Variants in USP37 observed in about 807,000 individuals in gnomAD.
The protein encoded by USP37 is ubiquitin specific peptidase 37, also known as ubiquitin carboxyl-terminal hydrolase 37.
USP37 carries 27 observed loss-of-function variants against 124.0 expected under a neutral mutation model. The observed-to-expected ratio is 0.22, with a 90% CI of 0.16 to 0.30. The LOEUF (loss-of-function observed/expected upper bound fraction) is 0.30. Among genes scored for constraint, USP37 ranks in the 10% least tolerant of loss-of-function variants. The pLI, the probability that USP37 is intolerant of heterozygous loss-of-function variation, is 1.00. For synonymous variants in USP37, 365 were observed against 388.0 expected, an observed-to-expected ratio of 0.94 and a Z score of 0.70; for missense variants, 889 against 1,140.4, an observed-to-expected ratio of 0.78 and a Z score of 3.17.
chr2:218,455,001 GCTC>G lies in USP37; in HGVS notation c.2866_2868del (p.Glu956del). 1 of 1,613,928 alleles carries G rather than the reference GCTC, an allele frequency of 6.2e-7. No individual in the cohort carries two copies. The highest frequency in any genetic ancestry group is 8.5e-7 in the Non-Finnish European group (1 of 1,180,022). On this transcript the variant is annotated inframe_deletion, in exon 26 of 26. Coordinates refer to ENST00000258399, the MANE Select transcript of USP37 (RefSeq NM_020935.3). ...TGAGAGTTCTTTTCTGTTTCCAGCA[GCTC>G]ATCAAAGATCTCCCTTAAGATAAAA...
intron 20 of USP37, among the ~76,000 whole-genome samples, chr2:218,473,957 T>C (rs1690828622): frequency 6.6e-6 from 1 of 152,202 alleles, no homozygotes; most frequent in Non-Finnish European, 1.5e-5. Flanking sequence ...CTGTAAAGCA[T>C]GTTACTGTAC....
At chr2:218,529,118 C>T (rs1691153172) in intron 10 of USP37, among the ~76,000 whole-genome samples, 1 of 152,064 alleles carries the variant, frequency 6.6e-6, no homozygotes, top group African/African-American at 2.4e-5. Flanking sequence ...ACAAAACTTC[C>T]CAGAGCCAGG....
intron 10 of USP37, among the ~76,000 whole-genome samples, chr2:218,526,784 G>GTTT (rs1491291222): frequency 1.8e-5 from 1 of 54,184 alleles, no homozygotes; most frequent in African/African-American, 8.2e-5. Context: ...CATTTCATTT[G>GTTT]CTTTTTTTTT....
At chr2:218,515,726 A>G (rs902792103) in intron 10 of USP37, among the ~76,000 whole-genome samples, 2 of 152,346 alleles carry the variant, frequency 1.3e-5, no homozygotes, top group South Asian at 4.1e-4. Flanking sequence ...GAGTTTCTGC[A>G]CAGCAAAAGA....
chr2:218,496,642 T>TTTTC (rs970475058), intron 13 of USP37, among the ~76,000 whole-genome samples: 9 of 151,970 alleles, frequency 5.9e-5, no homozygotes, highest in East Asian at 3.9e-4. Context: ...CTCCTTAGGT[T>TTTTC]TTTCTTTCTT....
intron 4 of USP37, among the ~76,000 whole-genome samples, chr2:218,557,708 C>A (rs1280753103): frequency 6.9e-6 from 1 of 144,528 alleles, no homozygotes; most frequent in Non-Finnish European, 1.5e-5. Context: ...GCGAGCAGAT[C>A]ACGAGGTCAG....
chr2:218,464,685 G>A (rs1041581283), intron 21 of USP37, among the ~76,000 whole-genome samples: 2 of 152,212 alleles, frequency 1.3e-5, no homozygotes, highest in Non-Finnish European at 2.9e-5. Flanking sequence ...AATCAGACCT[G>A]TAAGTCAGAT....
intron 6 of USP37, among the ~76,000 whole-genome samples, chr2:218,548,395 C>T (rs1256132352): frequency 6.6e-6 from 1 of 152,110 alleles, no homozygotes; most frequent in Non-Finnish European, 1.5e-5. Context: ...GGCTGGAGTG[C>T]AGTGGCACAA....
Position 218,454,955 on chromosome 2 carries a change from C to T in USP37, c.2915G>A (p.Gly972Glu), listed in dbSNP as rs747919409. Residue 972 changes from glycine to glutamate, a missense_variant, in exon 26 of 26, where the codon GGG becomes GAG. Gly to Glu is a moderately conservative substitution (Grantham distance 98, BLOSUM62 -2). Around this residue, in one of 3 missense-constraint regions of USP37, gnomAD observed 504 missense variants for 714.3 expected, o/e 0.71. Transcript: ENST00000258399. ...KNSQSLSTEV[G>E]KTTRQAL Reference sequence around the variant, plus strand: ...TCACAAGGCCTGACGGGTAGTCTTCCCCACTTCCGTGCTAAGTGACTGAGA... The same window carrying T: ...TCACAAGGCCTGACGGGTAGTCTTCTCCACTTCCGTGCTAAGTGACTGAGA... The T allele has an allele frequency of 2.5e-6, 4 of 1,614,086 alleles. No individual in the cohort carries two copies. In the East Asian group the frequency reaches 8.9e-5, roughly 36 times the overall value.
In USP37 at chr2:218,495,824, C is replaced by A; in HGVS notation, c.1408G>T (p.Ala470Ser). 1 of 1,613,950 alleles carries A rather than the reference C, an allele frequency of 6.2e-7. No individual in the cohort carries two copies. The highest frequency in any genetic ancestry group is 1.7e-5 in the Admixed American group (1 of 60,022). The stretch of plus-strand genomic sequence containing the variant: ...TTAGTAATAACAGGGCAAGTGTATG[C>A]TCTGGTAGCTGAAATATCTGGTGAA... ...ENSPDISATR[A>S]YTCPVITNLE... The change falls in exon 14 of 26, where the codon GCA (alanine) becomes TCA (serine). Residue 470 changes from alanine to serine, a missense_variant. By Grantham distance (99) the Ala-to-Ser change is moderately conservative. Transcript: ENST00000258399.
intron 14 of USP37, among the ~76,000 whole-genome samples, chr2:218,490,104 C>T (rs1415163941): frequency 6.6e-6 from 1 of 152,194 alleles, no homozygotes; most frequent in Non-Finnish European, 1.5e-5. Context: ...GTAATCCCAG[C>T]ACTTTGGGAG....
intron 18 of USP37, 29 bp downstream of exon 18, chr2:218,479,621 A>AT (rs778513163): frequency 6.3e-7 from 1 of 1,597,024 alleles, no homozygotes; most frequent in Non-Finnish European, 8.6e-7. Context: ...TTAAACACAG[A>AT]TTTTGGGTAC....
In USP37 at chr2:218,454,869, A is replaced by G; in HGVS notation, c.*61T>C. 6.3e-7 allele frequency: 1 copy of G among 1,587,172 alleles called. No individual in the cohort carries two copies. The highest frequency in any genetic ancestry group is 1.4e-5 in the African/African-American group (1 of 73,624). On this transcript the variant is annotated 3_prime_UTR_variant, in exon 26 of 26. Transcript: ENST00000258399. ...TCCAAATTCTCCTTCAGCAGAGGAA[A>G]GGTGAGGTGGGCAGCAGTAACAAAT...
intron 14 of USP37, among the ~76,000 whole-genome samples, chr2:218,491,439 C>T (rs1691941202): frequency 6.6e-6 from 1 of 152,144 alleles, no homozygotes; most frequent in Non-Finnish European, 1.5e-5. Flanking sequence ...GGAACCTGGG[C>T]TCCAGATGAG....
rs2106401087 is a variant in USP37, at chr2:218,453,494, TATA to T, written c.*1433_*1435del. ...TAATAAAAGAAAAAACACGAAAGAATATAATGATGGTTTCATTTTTCTATATTT... is the reference window on the plus strand; with the variant it reads ...TAATAAAAGAAAAAACACGAAAGAATATGATGGTTTCATTTTTCTATATTT... On this transcript the variant is annotated 3_prime_UTR_variant, in exon 26 of 26. Transcript: ENST00000258399. 6.6e-6 allele frequency: 1 copy of T among 152,282 alleles called. No individual in the cohort carries two copies. The highest frequency in any genetic ancestry group is 1.9e-4 in the East Asian group (1 of 5,184). The allele number at this position is 152,282 out of a possible 1,614,324, so 9.4% of individuals were successfully genotyped here. A position where few individuals can be genotyped will look rare whatever the true frequency, so the allele number is the denominator to read the frequency against.
intron 3 of USP37, among the ~76,000 whole-genome samples, chr2:218,560,450 T>C (rs1298288518): frequency 1.3e-5 from 2 of 152,202 alleles, no homozygotes; most frequent in Non-Finnish European, 2.9e-5. Flanking sequence ...AAATAATACA[T>C]ACTAGGCACT....
intron 11 of USP37, among the ~76,000 whole-genome samples, chr2:218,503,326 C>A (rs1250101561): frequency 6.6e-6 from 1 of 152,204 alleles, no homozygotes; most frequent in Non-Finnish European, 1.5e-5. Context: ...AACAATAACA[C>A]CAAATAATAC....
intron 4 of USP37, among the ~76,000 whole-genome samples, chr2:218,556,626 G>A (rs1281340491): frequency 7.0e-6 from 1 of 141,910 alleles, no homozygotes; most frequent in African/African-American, 2.6e-5. Flanking sequence ...CTATTCTCCT[G>A]CTTCAGCCTC....
rs1689526544 is a variant in USP37, at chr2:218,452,931, G to C, written c.*1999C>G. ...AAGCAAAATCAAACCAAACCAAAGA[G>C]GCTCCTGGTAGAAATGAAACAAAAC... On this transcript the variant is annotated 3_prime_UTR_variant, in exon 26 of 26. Transcript: ENST00000258399. 1 of 152,120 alleles carries C rather than the reference G, an allele frequency of 6.6e-6. No individual in the cohort carries two copies. The highest frequency in any genetic ancestry group is 1.5e-5 in the Non-Finnish European group (1 of 68,034). The allele number at this position is 152,120 out of a possible 1,614,324, so 9.4% of individuals were successfully genotyped here.
Sources: gnomAD v4.1 joint callset for allele counts (sites outside exome capture counted in the v4.1 genomes callset) on GRCh38, gnomAD v4.1.1 for gene constraint, gnomAD v4.1.1 regional missense constraint, MANE v1.5 for transcripts, NCBI Gene and HGNC (gene_info 2026-07-23, HGNC 2026-07-21) for gene names.